Variants in PIBF1 observed in about 807,000 individuals in gnomAD.
The protein encoded by PIBF1 is progesterone immunomodulatory binding factor 1, also known as progesterone-induced-blocking factor 1.
In PIBF1, 90 loss-of-function variants were observed where a neutral mutation model predicts 112.5. That is an observed-to-expected ratio of 0.80 (90% confidence interval 0.67 to 0.95). The LOEUF (loss-of-function observed/expected upper bound fraction) is 0.95, where lower values mean the gene tolerates loss of function less well. PIBF1 is among the 40% of genes least tolerant of loss of function. PIBF1 has a pLI of 0.00. For synonymous variants in PIBF1, 301 were observed against 288.6 expected (o/e 1.04, Z -0.44); for missense variants, 915 against 852.3 (o/e 1.07, Z -0.92).
At chr13:72,840,543 T>TTTTTTTTTTTTTTTTTTTGA (rs2037562991) in intron 9 of PIBF1, among the ~76,000 whole-genome samples, 1 of 150,222 alleles carries the variant, frequency 6.7e-6, no homozygotes, top group Non-Finnish European at 1.5e-5. Context: ...TTTTTTTTTT[T>TTTTTTTTTTTTTTTTTTTGA]GACGGAGTCT....
At chr13:72,792,370 T>C in intron 2 of PIBF1, 77 bp from the exon 3 acceptor site, 2 of 902,544 alleles carry the variant, frequency 2.2e-6, no homozygotes, top group Non-Finnish European at 3.5e-6. Context: ...TCAAGTGTTT[T>C]TAAAATATGT....
chr13:72,984,550 A>T (rs1478431846), intron 16 of PIBF1, among the ~76,000 whole-genome samples: 2 of 152,158 alleles, frequency 1.3e-5, no homozygotes, highest in African/African-American at 4.8e-5. Context: ...ACAACAGCTC[A>T]TTCTTACACC....
rs138973072 is a variant in PIBF1, at chr13:72,925,568, C to T, written c.1731-5597C>T. 9.0e-3 allele frequency among the ~76,000 whole-genome samples: 795 copies of T among 88,166 alleles called. 8 individuals are homozygous for T. Among genetic ancestry groups the T allele is most frequent in the African/African-American group, 0.034 (761 of 22,494 alleles). The allele number at this position is 88,166 out of a possible 152,430, so 57.8% of individuals were successfully genotyped here. A position where few individuals can be genotyped will look rare whatever the true frequency, so the allele number is the denominator to read the frequency against. ...TTTTTTTTTTTTTTTTTTTTTGAGA[C>T]GGAGTCTCTGTTGCCCAGGCTGGAG... On this transcript the variant is annotated intron_variant, in intron 13 of 17. Coordinates refer to ENST00000326291, the MANE Select transcript of PIBF1 (RefSeq NM_006346.4).
In PIBF1 at chr13:72,783,452, T is replaced by C. The variant is rs374719216; in HGVS notation, c.-18T>C. The C allele has an allele frequency of 5.9e-6, 9 of 1,512,948 alleles. No homozygotes were observed. Among genetic ancestry groups the C allele is most frequent in the Non-Finnish European group, 2.7e-6 (3 of 1,102,166 alleles). 93.7% of individuals were successfully genotyped at this position (1,512,948 alleles called of 1,614,324 possible). ...TTAAAATCAAATTAGAGAAGAAAAC[T>C]GATCCATAATAATAAAAATGTCTCG... is the stretch of plus-strand genomic sequence containing the variant. On this transcript the variant is annotated 5_prime_UTR_variant, in exon 2 of 18. Transcript: ENST00000326291.
At chr13:72,867,193 G>T (rs1306216023) in intron 10 of PIBF1, among the ~76,000 whole-genome samples, 1 of 152,100 alleles carries the variant, frequency 6.6e-6, no homozygotes, top group Non-Finnish European at 1.5e-5. Flanking sequence ...AGATCTGGTG[G>T]TTTTAAAAAT....
chr13:72,954,946 A>G (rs2138869443), intron 14 of PIBF1, among the ~76,000 whole-genome samples: 1 of 152,306 alleles, frequency 6.6e-6, no homozygotes, highest in East Asian at 1.9e-4. Context: ...TCTGCAGGTC[A>G]CAGAGCCACA....
At chr13:72,978,114 A>G (rs944579956) in intron 16 of PIBF1, among the ~76,000 whole-genome samples, 8 of 152,170 alleles carry the variant, frequency 5.3e-5, no homozygotes, top group Non-Finnish European at 7.3e-5. Context: ...TATTCAGTAA[A>G]ATGTTCATAA....
At chr13:72,844,754 C>CGGATGAAGTCTTACTGTTT (rs1236466865) in intron 9 of PIBF1, among the ~76,000 whole-genome samples, 3 of 102,158 alleles carry the variant, frequency 2.9e-5, no homozygotes, top group South Asian at 3.7e-4. Context: ...CACACACACA[C>CGGATGAAGTCTTACTGTTT]ACACACACAC....
At chr13:72,947,172 G>A in intron 14 of PIBF1, among the ~76,000 whole-genome samples, 1 of 152,168 alleles carries the variant, frequency 6.6e-6, no homozygotes, top group East Asian at 1.9e-4. Flanking sequence ...CTTAACTTCT[G>A]TACCCCTACC....
At chr13:72,878,451 C>T (rs2039494866) in intron 10 of PIBF1, among the ~76,000 whole-genome samples, 1 of 152,038 alleles carries the variant, frequency 6.6e-6, no homozygotes, top group Admixed American at 6.5e-5. Context: ...TTCCAGTTAT[C>T]TTTTTATTGT....
chr13:72,985,947 T>G (rs943390607), intron 16 of PIBF1, among the ~76,000 whole-genome samples: 5 of 151,968 alleles, frequency 3.3e-5, no homozygotes, highest in Non-Finnish European at 4.4e-5. Flanking sequence ...GCCCAGGAGT[T>G]GTGTACTAGC....
chr13:72,827,982 G>A, intron 8 of PIBF1, 68 bp downstream of exon 8: 1 of 1,125,838 alleles, frequency 8.9e-7, no homozygotes, highest in African/African-American at 1.6e-5. Flanking sequence ...GGAACTCTTG[G>A]CTTTGGGGAA....
Position 72,987,858 on chromosome 13 carries a change from A to ATTTTTTT in PIBF1, c.2050-10947_2050-10941dup, listed in dbSNP as rs55999445. Among the ~76,000 whole-genome samples, 41 of 58,086 alleles carry ATTTTTTT rather than the reference A, an allele frequency of 7.1e-4. 3 individuals are homozygous for ATTTTTTT. Among genetic ancestry groups the ATTTTTTT allele is most frequent in the African/African-American group, 2.9e-3 (31 of 10,712 alleles). 38.1% of individuals were successfully genotyped at this position (58,086 alleles called of 152,430 possible). The stretch of plus-strand genomic sequence containing the variant: ...TTGTAATTTATTTATTTATTTATTT[A>ATTTTTTT]TTTTTTTTTTTTTTTTTTTTTTTGA... On this transcript the variant is annotated intron_variant, in intron 16 of 17. Transcript: ENST00000326291.
rs779058759 is a variant in PIBF1, at chr13:72,973,600, T to G, written c.1974T>G (p.Asn658Lys). ...AQLEKDVSNL[N>K]KEKSALLQTK... The stretch of plus-strand genomic sequence containing the variant: ...GGGTTTTTTTTTTCAGCAACTTAAA[T>G]AAAGAAAAGTCAGCTTTACTACAGA... Residue 658 changes from asparagine (N) to lysine (K), a missense_variant, in exon 16 of 18, where the codon AAT becomes AAG. Physicochemically the swap from Asn to Lys is moderately conservative, Grantham distance 94. Coordinates refer to ENST00000326291, the MANE Select transcript of PIBF1 (RefSeq NM_006346.4). The G allele has an allele frequency of 6.5e-7, 1 of 1,545,772 alleles. No individual in the cohort carries two copies. Among genetic ancestry groups the G allele is most frequent in the Non-Finnish European group, 8.7e-7 (1 of 1,143,832 alleles).
chr13:72,991,514 A>G (rs2043479783), intron 16 of PIBF1, among the ~76,000 whole-genome samples: 2 of 152,208 alleles, frequency 1.3e-5, no homozygotes, highest in South Asian at 4.1e-4. Flanking sequence ...TACTAGAATT[A>G]CAACATGTAC....
At chr13:72,827,564 T>C (rs2036877354) in intron 7 of PIBF1, among the ~76,000 whole-genome samples, 169 bp from the exon 8 acceptor site, 1 of 152,128 alleles carries the variant, frequency 6.6e-6, no homozygotes, top group South Asian at 2.1e-4. Flanking sequence ...AAGAGACTTT[T>C]AGTAGCTATT....
intron 11 of PIBF1, among the ~76,000 whole-genome samples, chr13:72,906,562 C>G (rs929204288): frequency 1.3e-5 from 2 of 152,102 alleles, no homozygotes; most frequent in African/African-American, 4.8e-5. Flanking sequence ...CTTATAACAA[C>G]CACTCAGACA....
intron 17 of PIBF1, among the ~76,000 whole-genome samples, chr13:72,999,959 C>T (rs2043802591): frequency 6.6e-6 from 1 of 152,216 alleles, no homozygotes; most frequent in Admixed American, 6.5e-5. Flanking sequence ...GTCCCAGCTA[C>T]TTGGGAGACA....
intron 16 of PIBF1, among the ~76,000 whole-genome samples, chr13:72,993,884 A>G (rs1255892087): frequency 2.0e-5 from 3 of 152,038 alleles, no homozygotes; most frequent in Admixed American, 2.0e-4. Context: ...ATTGTATGCC[A>G]TCAAATAACA....
Sources: allele counts gnomAD v4.1 joint callset (sites outside exome capture counted in the v4.1 genomes callset), GRCh38; gene constraint gnomAD v4.1.1; transcripts MANE v1.5; gene names NCBI Gene and HGNC (gene_info 2026-07-23, HGNC 2026-07-21).